Variants in CNTNAP5 observed in about 807,000 individuals in gnomAD.
CNTNAP5 encodes contactin associated protein family member 5, also known as contactin-associated protein-like 5.
In CNTNAP5, 72 loss-of-function variants were observed where a neutral mutation model predicts 150.2. The observed-to-expected ratio is 0.48, with a 90% confidence interval of 0.40 to 0.58. CNTNAP5 has a LOEUF of 0.58. Among genes scored for constraint, CNTNAP5 ranks in the 20% least tolerant of loss-of-function variants. The pLI, the probability that CNTNAP5 is intolerant of heterozygous loss-of-function variation, is 0.00. For synonymous variants in CNTNAP5, 672 were observed against 619.8 expected, an observed-to-expected ratio of 1.08 and a Z score of -1.25; for missense variants, 1,636 against 1,626.2, an observed-to-expected ratio of 1.01 and a Z score of -0.10.
chr2:124,804,243 A>G (rs1682034419), intron 19 of CNTNAP5, among the ~76,000 whole-genome samples: 1 of 152,116 alleles, frequency 6.6e-6, no homozygotes, highest in Admixed American at 6.5e-5. Context: ...ACTTTCTCCT[A>G]GGGAAGGTCA....
intron 13 of CNTNAP5, chr2:124,681,006 C>G (rs1679055455): frequency 6.6e-6 from 1 of 151,558 alleles, no homozygotes; most frequent in Non-Finnish European, 1.5e-5. Flanking sequence ...AGAAAGCTGA[C>G]CGGGTGCGGG....
chr2:124,180,426 G>A (rs115551044), intron 1 of CNTNAP5, among the ~76,000 whole-genome samples: 1,610 of 152,098 alleles, frequency 0.011, 28 homozygotes, highest in African/African-American at 0.036. Flanking sequence ...ACCCCATTTT[G>A]TTCCAACAGT....
At chr2:124,189,819 C>A (rs1287235756) in intron 1 of CNTNAP5, among the ~76,000 whole-genome samples, 1 of 152,092 alleles carries the variant, frequency 6.6e-6, no homozygotes, top group Non-Finnish European at 1.5e-5. Context: ...ACAATGGGTT[C>A]ATCTAAAGGG....
intron 10 of CNTNAP5, among the ~76,000 whole-genome samples, chr2:124,537,064 G>C (rs1318786241): frequency 6.6e-6 from 1 of 151,606 alleles, no homozygotes; most frequent in Non-Finnish European, 1.5e-5. Flanking sequence ...AAGAGAGAGA[G>C]AGACAGAGAG....
rs975823735 is a variant in CNTNAP5, at chr2:124,918,712, G to C, written c.*4424G>C. On this transcript the variant is annotated 3_prime_UTR_variant, in exon 24 of 24. Coordinates refer to ENST00000682447, the MANE Select transcript of CNTNAP5 (RefSeq NM_001367498.1). ...AAAAGGCCTTTGGGATACCTGTATG[G>C]TTCTGCCAGTCATTCTTCCTTAATG... Among the ~76,000 whole-genome samples the C allele has an allele frequency of 6.6e-6, 1 of 152,060 alleles. No individual in the cohort carries two copies. The highest frequency in any genetic ancestry group is 2.4e-5 in the African/African-American group (1 of 41,412).
rs1312000054 is a variant in CNTNAP5 at position 124,914,370 on chromosome 2, T to C, written c.*82T>C. ...TCTTCTCTCCTGTCTTTTGATTTGG[T>C]CATTCTCTTTATTTTCTGCTTGCCA... On this transcript the variant is annotated 3_prime_UTR_variant, in exon 24 of 24. Transcript: ENST00000682447. The C allele has an allele frequency of 3.9e-6, 4 of 1,013,828 alleles. No individual in the cohort carries two copies. The highest frequency in any genetic ancestry group is 3.2e-5 in the South Asian group (2 of 62,266). The allele number at this position is 1,013,828 out of a possible 1,614,324, so 62.8% of individuals were successfully genotyped here. A position where few individuals can be genotyped will look rare whatever the true frequency, so the allele number is the denominator to read the frequency against.
At chr2:124,896,120 C>T (rs1678299274) in intron 21 of CNTNAP5, among the ~76,000 whole-genome samples, 1 of 151,542 alleles carries the variant, frequency 6.6e-6, no homozygotes, top group South Asian at 2.1e-4. Flanking sequence ...CTGTGCACTC[C>T]TGGCAAAGTT....
intron 4 of CNTNAP5, among the ~76,000 whole-genome samples, chr2:124,419,283 T>C (rs1222489049): frequency 6.6e-6 from 1 of 152,150 alleles, no homozygotes; most frequent in African/African-American, 2.4e-5. Context: ...TTTTTCTCAG[T>C]CTGTTCAGTT....
At chr2:124,605,586 G>T (rs988896188) in intron 11 of CNTNAP5, among the ~76,000 whole-genome samples, 1 of 152,038 alleles carries the variant, frequency 6.6e-6, no homozygotes, top group Non-Finnish European at 1.5e-5. Context: ...GGAGGCTGAG[G>T]CAGGTGGATC....
At chr2:124,506,378 C>T (rs1221689757) in intron 8 of CNTNAP5, among the ~76,000 whole-genome samples, 5 of 152,112 alleles carry the variant, frequency 3.3e-5, no homozygotes, top group African/African-American at 4.8e-5. Context: ...GCATGGGTGC[C>T]TTGAGCTCAG....
intron 8 of CNTNAP5, among the ~76,000 whole-genome samples, chr2:124,509,856 G>A (rs529729731): frequency 3.5e-4 from 53 of 152,204 alleles, no homozygotes; most frequent in Non-Finnish European, 6.3e-4. Context: ...ATAAGACTTG[G>A]ATAAGACCTT....
At chr2:124,789,566 C>G (rs1028316421) in intron 17 of CNTNAP5, among the ~76,000 whole-genome samples, 1 of 152,148 alleles carries the variant, frequency 6.6e-6, no homozygotes, top group Admixed American at 6.5e-5. Context: ...ACCCGACACC[C>G]TCAAGTAGGA....
At position 124,381,362 on chromosome 2, in the gene CNTNAP5, T is replaced by C. The variant is rs116821550; in HGVS notation, c.382-36081T>C. Among the ~76,000 whole-genome samples the C allele has an allele frequency of 4.6e-3, 694 of 152,188 alleles. 4 individuals are homozygous for C. The highest frequency in any genetic ancestry group is 0.016 in the African/African-American group (648 of 41,536). On this transcript the variant is annotated intron_variant, in intron 3 of 23. Coordinates refer to ENST00000682447, the MANE Select transcript of CNTNAP5 (RefSeq NM_001367498.1). ...GAGGATGGACAGCAGGCAGAACAAG[T>C]GCAGGAGTGACACCAGTTAAGAAGT...
intron 3 of CNTNAP5, among the ~76,000 whole-genome samples, chr2:124,351,059 A>G (rs991462355): frequency 1.3e-5 from 2 of 152,214 alleles, no homozygotes; most frequent in Admixed American, 6.5e-5. Context: ...TTATCTGTAC[A>G]CGACAGATAG....
intron 8 of CNTNAP5, among the ~76,000 whole-genome samples, chr2:124,512,597 G>A (rs567760766): frequency 4.6e-5 from 7 of 152,200 alleles, no homozygotes; most frequent in East Asian, 1.9e-4. Flanking sequence ...CCATCTCAGC[G>A]CATCCCATTT....
chr2:124,478,301 C>T (rs1573400897), intron 7 of CNTNAP5, among the ~76,000 whole-genome samples: 1 of 152,058 alleles, frequency 6.6e-6, no homozygotes, highest in Admixed American at 6.6e-5. Flanking sequence ...TATGTTACTC[C>T]TTGGGGTTTA....
chr2:124,656,241 G>C (rs1678455676), intron 13 of CNTNAP5, among the ~76,000 whole-genome samples: 1 of 152,098 alleles, frequency 6.6e-6, no homozygotes, highest in African/African-American at 2.4e-5. Context: ...GCAGAGTCGA[G>C]AGTCAAACCA....
At chr2:124,220,521 G>A (rs1363942783) in intron 1 of CNTNAP5, among the ~76,000 whole-genome samples, 1 of 152,076 alleles carries the variant, frequency 6.6e-6, no homozygotes, top group African/African-American at 2.4e-5. Context: ...ACAGATAAGT[G>A]AATTATTACA....
rs539903921 is a variant in CNTNAP5, at chr2:124,424,484, A to G, written c.529+6894A>G. ...GAAAAATCTCCAAGATGCCAGATTC[A>G]TTGCAGTCCCCTCATTAGATTTGAG... On this transcript the variant is annotated intron_variant, in intron 4 of 23. Transcript: ENST00000682447. Among the ~76,000 whole-genome samples, 8 of 152,320 alleles carry G rather than the reference A, an allele frequency of 5.3e-5. No individual in the cohort carries two copies. In the East Asian group the frequency reaches 1.5e-3, roughly 29 times the overall value.
Sources: gnomAD v4.1 joint callset for allele counts (sites outside exome capture counted in the v4.1 genomes callset) on GRCh38, gnomAD v4.1.1 for gene constraint, MANE v1.5 for transcripts, NCBI Gene and HGNC (gene_info 2026-07-23, HGNC 2026-07-21) for gene names.